LRMDA: variants seen among roughly 807,000 people sequenced by gnomAD.
The protein encoded by LRMDA is leucine-rich melanocyte differentiation-associated protein.
Under a neutral mutation model 29.8 loss-of-function variants are expected in LRMDA, and 18 were observed. The observed-to-expected ratio is 0.60, with a 90% confidence interval of 0.42 to 0.90. The LOEUF (loss-of-function observed/expected upper bound fraction) is 0.90. Among genes scored for constraint, LRMDA ranks in the 40% least tolerant of loss-of-function variants. LRMDA has a pLI of 0.00. For synonymous variants in LRMDA, 125 were observed against 109.4 expected, an observed-to-expected ratio of 1.14 and a Z score of -0.89; for missense variants, 273 against 273.9, an observed-to-expected ratio of 1.00 and a Z score of 0.02.
chr10:75,629,069 G>A (rs750890437), intron 2 of LRMDA, among the ~76,000 whole-genome samples: 2 of 152,202 alleles, frequency 1.3e-5, no homozygotes, highest in South Asian at 4.1e-4. Context: ...ACCTGTAAGT[G>A]AGAAGCCTTT....
chr10:75,986,753 G>A (rs903087752), intron 2 of LRMDA, among the ~76,000 whole-genome samples: 3 of 152,238 alleles, frequency 2.0e-5, no homozygotes, highest in Non-Finnish European at 4.4e-5. Flanking sequence ...ACCACACCCA[G>A]CTTCCTGAGA....
At chr10:75,452,842 A>G (rs796458698) in intron 2 of LRMDA, among the ~76,000 whole-genome samples, 16 of 152,254 alleles carry the variant, frequency 1.1e-4, no homozygotes, top group African/African-American at 3.9e-4. Flanking sequence ...ATTTTATTTC[A>G]TTGGGATGCA....
At chr10:75,750,300 G>GC (rs1321580173) in intron 2 of LRMDA, among the ~76,000 whole-genome samples, 8 of 150,280 alleles carry the variant, frequency 5.3e-5, no homozygotes, top group Non-Finnish European at 3.0e-5. Flanking sequence ...GGCAGGGGCT[G>GC]CCCCCCACCT....
chr10:76,076,324 C>T lies in LRMDA; in HGVS notation c.516+17541C>T, dbSNP rs865922407. On this transcript the variant is annotated intron_variant, in intron 5 of 6. Transcript: ENST00000611255. Reference sequence around the variant, plus strand: ...CCATGCCACTGCACTCCAGCCTGGGCGACAGAGCGAGACTCCATCTCAAAA... The same window carrying T: ...CCATGCCACTGCACTCCAGCCTGGGTGACAGAGCGAGACTCCATCTCAAAA... 2.4e-4 allele frequency among the ~76,000 whole-genome samples: 29 copies of T among 120,826 alleles called. No individual in the cohort carries two copies. The South Asian group carries it at 4.5e-3, about 19-fold the overall frequency. The allele number at this position is 120,826 out of a possible 152,430, so 79.3% of individuals were successfully genotyped here.
chr10:75,482,048 T>C (rs1451013441), intron 2 of LRMDA, among the ~76,000 whole-genome samples: 3 of 152,332 alleles, frequency 2.0e-5, no homozygotes, highest in Non-Finnish European at 2.9e-5. Context: ...TGGCAGATTC[T>C]GTTATGTTCC....
intron 6 of LRMDA, among the ~76,000 whole-genome samples, chr10:76,506,115 A>C (rs1842957082): frequency 6.6e-6 from 1 of 150,700 alleles, no homozygotes; most frequent in Non-Finnish European, 1.5e-5. Context: ...CTCTCTTTTG[A>C]CTCTTGGTAT....
In LRMDA at chr10:75,634,597, T is replaced by C. The variant is rs573072434; in HGVS notation, c.131+196103T>C. ...TGCCCGCCCCAGTGGGCATTTGAGC[T>C]TGCAATCCCTGCCTCAGCTAATGCA... On this transcript the variant is annotated intron_variant, in intron 2 of 6. Coordinates refer to ENST00000611255, the MANE Select transcript of LRMDA (RefSeq NM_001305581.2). Among the ~76,000 whole-genome samples, 11 of 152,280 alleles carry C rather than the reference T, an allele frequency of 7.2e-5. No homozygotes were observed. The South Asian group carries it at 2.3e-3, about 32-fold the overall frequency.
At chr10:76,182,456 T>G (rs996412648) in intron 5 of LRMDA, among the ~76,000 whole-genome samples, 1 of 152,192 alleles carries the variant, frequency 6.6e-6, no homozygotes, top group African/African-American at 2.4e-5. Context: ...TCAGGCACTT[T>G]GCAATGTACT....
chr10:75,501,830 A>AT (rs1279279357), intron 2 of LRMDA, among the ~76,000 whole-genome samples: 4 of 151,870 alleles, frequency 2.6e-5, no homozygotes, highest in African/African-American at 9.7e-5. Context: ...TGCTTTCTTT[A>AT]TTTTTTCTTT....
intron 2 of LRMDA, among the ~76,000 whole-genome samples, chr10:75,644,824 T>C (rs10160193): frequency 0.089 from 13,554 of 152,102 alleles, 1,661 homozygotes; most frequent in African/African-American, 0.28. Context: ...AAGAAGGGCT[T>C]TACCCTACTT....
chr10:76,061,100 A>G (rs574640073), intron 5 of LRMDA, among the ~76,000 whole-genome samples: 3 of 152,242 alleles, frequency 2.0e-5, no homozygotes, highest in African/African-American at 7.2e-5. Flanking sequence ...TATTCACAAT[A>G]GCAAAGACAT....
intron 2 of LRMDA, among the ~76,000 whole-genome samples, chr10:75,572,915 A>G (rs1840455234): frequency 1.3e-5 from 2 of 152,222 alleles, no homozygotes; most frequent in South Asian, 4.1e-4. Context: ...AAGAAAGGCC[A>G]TGTGAGGACA....
At chr10:75,768,734 C>T (rs1390530686) in intron 2 of LRMDA, among the ~76,000 whole-genome samples, 1 of 152,074 alleles carries the variant, frequency 6.6e-6, no homozygotes, top group African/African-American at 2.4e-5. Context: ...AGCCAGGTGG[C>T]TCTTTGTGGT....
intron 2 of LRMDA, among the ~76,000 whole-genome samples, chr10:75,917,106 C>G (rs895699414): frequency 6.6e-6 from 1 of 152,200 alleles, no homozygotes; most frequent in African/African-American, 2.4e-5. Flanking sequence ...CAGGGCCCAC[C>G]ATCTCCTCTG....
chr10:75,431,664 C>G lies in LRMDA; in HGVS notation c.-61C>G. 1 of 1,242,306 alleles carries G rather than the reference C, an allele frequency of 8.0e-7. No individual in the cohort carries two copies. Among genetic ancestry groups the G allele is most frequent in the Non-Finnish European group, 1.0e-6 (1 of 997,458 alleles). 77.0% of individuals were successfully genotyped at this position (1,242,306 alleles called of 1,614,324 possible). On this transcript the variant is annotated 5_prime_UTR_variant, in exon 1 of 7. Transcript: ENST00000611255. ...GCCCGCCGCGCTCCCCTGCCGCGCTCCCCGCTGCTGCCGCCGCGCCCCCGC... is the reference window on the plus strand; with the variant it reads ...GCCCGCCGCGCTCCCCTGCCGCGCTGCCCGCTGCTGCCGCCGCGCCCCCGC...
chr10:76,054,089 G>A (rs1386647679), intron 4 of LRMDA, among the ~76,000 whole-genome samples: 1 of 152,206 alleles, frequency 6.6e-6, no homozygotes, highest in African/African-American at 2.4e-5. Context: ...GTTGGTACTT[G>A]ACTCAGGTCC....
At chr10:76,238,751 C>T (rs1244527041) in intron 5 of LRMDA, among the ~76,000 whole-genome samples, 1 of 151,772 alleles carries the variant, frequency 6.6e-6, no homozygotes, top group Non-Finnish European at 1.5e-5. Context: ...TAATAGCTAA[C>T]ATTTATTGAA....
At chr10:76,478,992 A>G (rs953324452) in intron 6 of LRMDA, among the ~76,000 whole-genome samples, 2 of 152,102 alleles carry the variant, frequency 1.3e-5, no homozygotes, top group African/African-American at 4.8e-5. Context: ...GCACATGTAT[A>G]CAGATGTAAC....
chr10:76,365,071 TACAC>T (rs1554816010), intron 6 of LRMDA, among the ~76,000 whole-genome samples: 1 of 91,512 alleles, frequency 1.1e-5, no homozygotes, highest in Non-Finnish European at 2.3e-5. Flanking sequence ...CGTATATATA[TACAC>T]ACACACACAC....
Sources: gnomAD v4.1 joint callset for allele counts (sites outside exome capture counted in the v4.1 genomes callset) on GRCh38, gnomAD v4.1.1 for gene constraint, MANE v1.5 for transcripts, NCBI Gene and HGNC (gene_info 2026-07-23, HGNC 2026-07-21) for gene names.